Variants in DHX29 observed in about 807,000 individuals in gnomAD.
DHX29 encodes DExH-box helicase 29.
DHX29 carries 79 observed loss-of-function variants against 167.9 expected under a neutral mutation model. The observed-to-expected ratio is 0.47, with a 90% confidence interval of 0.39 to 0.57. The LOEUF (loss-of-function observed/expected upper bound fraction) is 0.57, where lower values mean the gene tolerates loss of function less well. DHX29 is among the 20% of genes least tolerant of loss of function. The pLI is 0.00. For synonymous variants in DHX29, 530 were observed against 546.0 expected (o/e 0.97, Z 0.41); for missense variants, 1,347 against 1,593.4 (o/e 0.85, Z 2.63).
intron 10 of DHX29, 118 bp downstream of exon 10, chr5:55,285,175 C>T: frequency 7.0e-7 from 1 of 1,437,134 alleles, no homozygotes; most frequent in South Asian, 1.5e-5. Flanking sequence ...TGAAAGGAAG[C>T]CAAATTAGGA....
Position 55,261,513 on chromosome 5 carries a change from A to AGG in DHX29, c.3829-16_3829-15dup. On this transcript the variant is annotated splice_polypyrimidine_tract_variant and intron_variant, in intron 24 of 26. Coordinates refer to ENST00000251636, the MANE Select transcript of DHX29 (RefSeq NM_019030.4). ...GGCATACCTTATCTACATGGGAAAA[A>AGG]GGGGGGAAAATAACTTCAAAATATA... is the stretch of plus-strand genomic sequence containing the variant. 2 of 1,502,102 alleles carry AGG rather than the reference A, an allele frequency of 1.3e-6. No homozygotes were observed. The highest frequency in any genetic ancestry group is 1.8e-6 in the Non-Finnish European group (2 of 1,097,906). 93.0% of individuals were successfully genotyped at this position (1,502,102 alleles called of 1,614,324 possible). A position where few individuals can be genotyped will look rare whatever the true frequency, so the allele number is the denominator to read the frequency against.
chr5:55,299,542 T>C (rs1207438591), intron 1 of DHX29, among the ~76,000 whole-genome samples: 1 of 152,166 alleles, frequency 6.6e-6, no homozygotes, highest in Non-Finnish European at 1.5e-5. Flanking sequence ...AAAATCATGG[T>C]GTGAGCAGGA....
Position 55,261,398 on chromosome 5 carries a change from A to C in DHX29, c.3930T>G (p.Leu1310=). The change falls in exon 25 of 27, where the codon CTT becomes CTG. Residue 1310 remains leucine, a synonymous_variant. Transcript: ENST00000251636. ...AATAGATCCAGCCATCAATAGAAAG[A>C]AGACGTTCTCGGTGCTGAACTTCTA... ...GDIEVQHRER[L]LSIDGWIYFQ... 13 of 1,582,490 alleles carry C rather than the reference A, an allele frequency of 8.2e-6. No individual in the cohort carries two copies. The highest frequency in any genetic ancestry group is 1.1e-5 in the Non-Finnish European group (13 of 1,153,868).
At chr5:55,259,005 T>A (rs561898316) in intron 26 of DHX29, among the ~76,000 whole-genome samples, 2 of 152,286 alleles carry the variant, frequency 1.3e-5, no homozygotes, top group Admixed American at 6.5e-5. Flanking sequence ...TATATAGGTA[T>A]GTGTATATAT....
rs376170862 is a variant in DHX29 at position 55,267,196 on chromosome 5, G to A, written c.3467C>T (p.Ser1156Phe). Residue 1156 changes from serine (S) to phenylalanine (F), a missense_variant, in exon 23 of 27, where the codon TCT becomes TTT. Transcript: ENST00000251636. ...GTTCCTCCGGCAGTATGTGATTTCAGAACGATAACCTCCTTCTTGTCGTGC... is the reference window on the plus strand; with the variant it reads ...GTTCCTCCGGCAGTATGTGATTTCAAAACGATAACCTCCTTCTTGTCGTGC... ...KKARQEGGYRSEITYCRRNFL... is the reference protein window; with the variant it reads ...KKARQEGGYRFEITYCRRNFL... 1.2e-5 allele frequency: 20 copies of A among 1,612,832 alleles called. No individual in the cohort carries two copies. Among genetic ancestry groups the A allele is most frequent in the Non-Finnish European group, 5.9e-6 (7 of 1,179,386 alleles).
At position 55,262,705 on chromosome 5, in the gene DHX29, T is replaced by G. The variant is rs770999084; in HGVS notation, c.3753A>C (p.Gln1251His). The change falls in exon 24 of 27, where the codon CAA becomes CAC. Residue 1251 changes from glutamine (Q) to histidine (H), a missense_variant. Gln to His is a conservative substitution (Grantham distance 24, BLOSUM62 0). This residue lies in a region of DHX29 where 882 missense variants were observed against 1,082.4 expected (regional missense o/e 0.81). Transcript: ENST00000251636. Reference sequence around the variant, plus strand: ...AGGATGGGTGTACTTGTGCTTTGCCTTGGGCCGTCTCCACAATGCAAGCCA... The same window carrying G: ...AGGATGGGTGTACTTGTGCTTTGCCGTGGGCCGTCTCCACAATGCAAGCCA... ...EKLACIVETA[Q>H]GKAQVHPSSV... 25 of 1,614,018 alleles carry G rather than the reference T, an allele frequency of 1.5e-5. No homozygotes were observed. Among genetic ancestry groups the G allele is most frequent in the Admixed American group, 1.2e-4 (7 of 60,014 alleles).
At chr5:55,289,747 T>C (rs1747939348) in intron 7 of DHX29, among the ~76,000 whole-genome samples, 1 of 152,182 alleles carries the variant, frequency 6.6e-6, no homozygotes, top group Non-Finnish European at 1.5e-5. Flanking sequence ...CTCATGGAAT[T>C]GTATTCACCT....
At chr5:55,265,904 C>G (rs2111804095) in intron 23 of DHX29, among the ~76,000 whole-genome samples, 1 of 152,068 alleles carries the variant, frequency 6.6e-6, no homozygotes, top group South Asian at 2.1e-4. Flanking sequence ...TTCATTATGT[C>G]CATATAATTT....
intron 8 of DHX29, among the ~76,000 whole-genome samples, chr5:55,288,004 A>G (rs927105700): frequency 1.3e-5 from 2 of 151,870 alleles, no homozygotes; most frequent in Non-Finnish European, 2.9e-5. Context: ...TAATCCCCAG[A>G]GGCCAAGGTG....
intron 6 of DHX29, among the ~76,000 whole-genome samples, chr5:55,292,508 A>G (rs545481674): frequency 6.7e-4 from 102 of 152,116 alleles, no homozygotes; most frequent in Non-Finnish European, 1.2e-3. Context: ...ACATCACTCA[A>G]TATTCCAAAC....
At chr5:55,270,759 T>G (rs960454790) in intron 18 of DHX29, 53 bp from the exon 19 acceptor site, 5 of 1,430,870 alleles carry the variant, frequency 3.5e-6, no homozygotes, top group Non-Finnish European at 4.9e-6. Flanking sequence ...AAGTCAAAAT[T>G]GGAAAAAGCT....
rs1301449076 is a variant in DHX29 at position 55,286,241 on chromosome 5, G to A, written c.1067-380C>T. On this transcript the variant is annotated intron_variant, in intron 8 of 26. Coordinates refer to ENST00000251636, the MANE Select transcript of DHX29 (RefSeq NM_019030.4). ...TGCACTACAGCCTGGGTGACAGAGCGACACTCCGTCTCAAAAAAAAAAAAA... is the reference window on the plus strand; with the variant it reads ...TGCACTACAGCCTGGGTGACAGAGCAACACTCCGTCTCAAAAAAAAAAAAA... Among the ~76,000 whole-genome samples the A allele has an allele frequency of 1.0e-4, 15 of 146,340 alleles. No homozygotes were observed. In the South Asian group the frequency reaches 1.7e-3, roughly 17 times the overall value.
intron 26 of DHX29, among the ~76,000 whole-genome samples, chr5:55,257,856 C>T (rs1402591186): frequency 6.6e-6 from 1 of 152,172 alleles, no homozygotes; most frequent in East Asian, 1.9e-4. Flanking sequence ...GAGGTTCAAC[C>T]TATACTTTAT....
chr5:55,282,726 T>G lies in DHX29; in HGVS notation c.1965+477A>C, dbSNP rs371852757. Among the ~76,000 whole-genome samples the G allele has an allele frequency of 1.1e-4, 17 of 152,302 alleles. No homozygotes were observed. The South Asian group carries it at 3.5e-3, about 32-fold the overall frequency. On this transcript the variant is annotated intron_variant, in intron 11 of 26. Transcript: ENST00000251636. The stretch of plus-strand genomic sequence containing the variant: ...ATGGCAAAATGCATGACAATAGATA[T>G]TTAAGTATTTTTCTCATTTTTTTTT...
intron 1 of DHX29, among the ~76,000 whole-genome samples, chr5:55,301,691 C>T (rs951789603): frequency 9.8e-6 from 1 of 101,546 alleles, no homozygotes. Context: ...CCAGCCTGGG[C>T]AACAAGAGTG....
rs540292187 is a variant in DHX29 at position 55,302,726 on chromosome 5, T to C, written c.188-4062A>G. On this transcript the variant is annotated intron_variant, in intron 1 of 26. Coordinates refer to ENST00000251636, the MANE Select transcript of DHX29 (RefSeq NM_019030.4). ...GTATCACTTCCTTGAAGTTGGCTTA[T>C]ACTGCAAACTTCCAGAGGGTAAACA... Among the ~76,000 whole-genome samples, 12 of 152,300 alleles carry C rather than the reference T, an allele frequency of 7.9e-5. No homozygotes were observed. The South Asian group carries it at 2.5e-3, about 32-fold the overall frequency.
At position 55,262,670 on chromosome 5, in the gene DHX29, C is replaced by T. The variant is rs747580493; in HGVS notation, c.3788G>A (p.Arg1263Gln). 8.7e-6 allele frequency: 14 copies of T among 1,613,934 alleles called. No homozygotes were observed. The highest frequency in any genetic ancestry group is 4.5e-5 in the East Asian group (2 of 44,892). ...GAGCCATCCATGAGTTTGCAAATCTCGATTTACTGAGGATGGGTGTACTTG... is the reference window on the plus strand; with the variant it reads ...GAGCCATCCATGAGTTTGCAAATCTTGATTTACTGAGGATGGGTGTACTTG... ...KAQVHPSSVN[R>Q]DLQTHGWLLY... Residue 1263 changes from arginine (R) to glutamine (Q), a missense_variant, in exon 24 of 27, where the codon CGA becomes CAA. Arg to Gln is a conservative substitution (Grantham distance 43, BLOSUM62 1). Around this residue, in one of 3 missense-constraint regions of DHX29, gnomAD observed 882 missense variants for 1,082.4 expected, o/e 0.81. Coordinates refer to ENST00000251636, the MANE Select transcript of DHX29 (RefSeq NM_019030.4).
chr5:55,290,372 G>A (rs765595493), intron 6 of DHX29, 28 bp from the exon 7 acceptor site: 24 of 1,540,724 alleles, frequency 1.6e-5, no homozygotes, highest in Non-Finnish European at 1.9e-5. Context: ...ATGAGGAGGG[G>A]GAAAAAAAAA....
intron 1 of DHX29, among the ~76,000 whole-genome samples, chr5:55,302,856 C>G (rs1207255144): frequency 1.3e-5 from 2 of 152,158 alleles, no homozygotes; most frequent in African/African-American, 4.8e-5. Flanking sequence ...AGATTTATGA[C>G]AGCTACTTTC....
Sources: gnomAD v4.1 joint callset for allele counts (sites outside exome capture counted in the v4.1 genomes callset) on GRCh38, gnomAD v4.1.1 for gene constraint, gnomAD v4.1.1 regional missense constraint, MANE v1.5 for transcripts, NCBI Gene and HGNC (gene_info 2026-07-23, HGNC 2026-07-21) for gene names.